The following SLC16A7 variants were observed in gnomAD, a reference collection of about 807,000 sequenced individuals.
SLC16A7 encodes the protein solute carrier family 16 member 7, also known as monocarboxylate transporter 2.
A neutral mutation model predicts 34.9 loss-of-function variants in SLC16A7; 33 were observed. That is an observed-to-expected ratio of 0.94 (90% CI 0.72 to 1.26). The LOEUF (loss-of-function observed/expected upper bound fraction) is 1.26. SLC16A7 is among the 50% of genes most tolerant of loss of function. The pLI is 0.00. For missense variants in SLC16A7, 573 were observed against 578.1 expected, an observed-to-expected ratio of 0.99 and a Z score of 0.09; for synonymous variants, 201 against 206.6, an observed-to-expected ratio of 0.97 and a Z score of 0.23.
At position 59,723,184 on chromosome 12, in the gene SLC16A7, T is replaced by C. The variant is rs377421071; in HGVS notation, c.217+18166T>C. On this transcript the variant is annotated intron_variant, in intron 3 of 5. Transcript: ENST00000547379. The stretch of plus-strand genomic sequence containing the variant: ...TTTGAAGGAATGAACAAACTGATCA[T>C]TATAAAAATTATTATAATAATGATC... 6.6e-5 allele frequency among the ~76,000 whole-genome samples: 10 copies of C among 152,024 alleles called. No homozygotes were observed. The East Asian group carries it at 1.2e-3, about 18-fold the overall frequency.
chr12:59,742,994 G>A (rs1044783615), intron 3 of SLC16A7, among the ~76,000 whole-genome samples: 1 of 152,170 alleles, frequency 6.6e-6, no homozygotes, highest in African/African-American at 2.4e-5. Context: ...AGATGACTCA[G>A]TGCACAGAAA....
chr12:59,732,008 G>A (rs963331738), intron 3 of SLC16A7, among the ~76,000 whole-genome samples: 5 of 152,028 alleles, frequency 3.3e-5, no homozygotes, highest in African/African-American at 1.2e-4. Flanking sequence ...GTGGTTGAAT[G>A]GGATAAACAA....
At chr12:59,675,006 C>T (rs1320118769) in intron 2 of SLC16A7, among the ~76,000 whole-genome samples, 1 of 152,138 alleles carries the variant, frequency 6.6e-6, no homozygotes, top group African/African-American at 2.4e-5. Flanking sequence ...GGTCATCTTA[C>T]CCATAACTAA....
intron 2 of SLC16A7, among the ~76,000 whole-genome samples, chr12:59,695,172 T>C (rs546253147): frequency 8.9e-4 from 136 of 152,156 alleles, no homozygotes; most frequent in African/African-American, 3.2e-3. Context: ...GACTGAAAGA[T>C]CAAAACCTAA....
intron 3 of SLC16A7, among the ~76,000 whole-genome samples, chr12:59,726,577 T>A (rs567170411): frequency 6.6e-6 from 1 of 152,156 alleles, no homozygotes; most frequent in South Asian, 2.1e-4. Flanking sequence ...TATTAACCAG[T>A]TTCTGATCCA....
intron 2 of SLC16A7, among the ~76,000 whole-genome samples, chr12:59,682,173 A>G (rs1054470849): frequency 1.3e-5 from 2 of 152,128 alleles, no homozygotes; most frequent in Non-Finnish European, 2.9e-5. Flanking sequence ...AAATCCATTG[A>G]GTAGATCTAA....
intron 3 of SLC16A7, among the ~76,000 whole-genome samples, chr12:59,720,898 C>A (rs1875501295): frequency 6.6e-6 from 1 of 152,020 alleles, no homozygotes; most frequent in African/African-American, 2.4e-5. Flanking sequence ...ACTTCAGATT[C>A]AATTAATTTA....
intron 1 of SLC16A7, among the ~76,000 whole-genome samples, chr12:59,631,556 A>C (rs1880184589): frequency 6.6e-6 from 1 of 151,992 alleles, no homozygotes; most frequent in Admixed American, 6.6e-5. Context: ...ATTTCATTTT[A>C]AGTTCCAGGG....
intron 3 of SLC16A7, among the ~76,000 whole-genome samples, chr12:59,716,014 A>G (rs982453540): frequency 6.6e-6 from 1 of 152,238 alleles, no homozygotes; most frequent in African/African-American, 2.4e-5. Flanking sequence ...TTAAGCTATA[A>G]AAGCAATAAT....
intron 2 of SLC16A7, among the ~76,000 whole-genome samples, chr12:59,677,959 G>A (rs868684556): frequency 3.9e-5 from 6 of 152,272 alleles, no homozygotes; most frequent in East Asian, 1.9e-4. Flanking sequence ...TGGTGGACTC[G>A]TTCCACCCGC....
At chr12:59,647,240 C>T (rs987389245) in intron 1 of SLC16A7, among the ~76,000 whole-genome samples, 1 of 152,014 alleles carries the variant, frequency 6.6e-6, no homozygotes, top group African/African-American at 2.4e-5. Context: ...ATTGTAGTTC[C>T]CATAATCCCC....
At position 59,703,834 on chromosome 12, in the gene SLC16A7, C is replaced by T. The variant is rs1274830414; in HGVS notation, c.-30-938C>T. Among the ~76,000 whole-genome samples, 3 of 151,918 alleles carry T rather than the reference C, an allele frequency of 2.0e-5. No individual in the cohort carries two copies. In the East Asian group the frequency reaches 5.8e-4, roughly 29 times the overall value. Reference sequence around the variant, plus strand: ...CAAGGGTTATGTTAATTAGGTTGACCGTAGTAATCATTTTGCTATGAATAT... The same window carrying T: ...CAAGGGTTATGTTAATTAGGTTGACTGTAGTAATCATTTTGCTATGAATAT... On this transcript the variant is annotated intron_variant, in intron 2 of 5. Transcript: ENST00000547379.
intron 3 of SLC16A7, among the ~76,000 whole-genome samples, chr12:59,721,406 A>G (rs1304097983): frequency 6.6e-6 from 1 of 151,740 alleles, no homozygotes; most frequent in African/African-American, 2.4e-5. Flanking sequence ...CACCCCCTCA[A>G]CTATTAATGG....
chr12:59,597,153 C>G (rs1397237879), intron 1 of SLC16A7: 4 of 151,748 alleles, frequency 2.6e-5, no homozygotes, highest in Non-Finnish European at 5.9e-5. Flanking sequence ...GCGGTCGTGC[C>G]CAGTGCCACT....
intron 1 of SLC16A7, among the ~76,000 whole-genome samples, chr12:59,597,518 C>G (rs1019173090): frequency 1.3e-5 from 2 of 152,164 alleles, no homozygotes; most frequent in Non-Finnish European, 2.9e-5. Flanking sequence ...GGGTTGCAAA[C>G]TTTCCACAGA....
rs191643281 is a variant in SLC16A7, at chr12:59,688,314, T to C, written c.-30-16458T>C. ...CAAGAGGGTGGAGAAGGAGTGGCAA[T>C]ATGACCACTTTAAGGAGTTCATGAA... is the stretch of plus-strand genomic sequence containing the variant. On this transcript the variant is annotated intron_variant, in intron 2 of 5. Coordinates refer to ENST00000547379, the MANE Select transcript of SLC16A7 (RefSeq NM_001270623.2). Among the ~76,000 whole-genome samples the C allele has an allele frequency of 6.7e-4, 102 of 152,144 alleles. No individual in the cohort carries two copies. In the Middle Eastern group the frequency reaches 0.014, roughly 20 times the overall value.
At chr12:59,693,956 T>C (rs1871971485) in intron 2 of SLC16A7, among the ~76,000 whole-genome samples, 1 of 151,938 alleles carries the variant, frequency 6.6e-6, no homozygotes, top group Admixed American at 6.6e-5. Flanking sequence ...TATGCCCTCA[T>C]CTATGAAACG....
chr12:59,775,239 A>T lies in SLC16A7; in HGVS notation c.944A>T (p.Tyr315Phe). Residue 315 changes from tyrosine (Y) to phenylalanine (F), a missense_variant, in exon 5 of 6, where the codon TAC becomes TTC. Physicochemically the swap from Tyr to Phe is conservative, Grantham distance 22. Transcript: ENST00000547379. ...AAATATATTCGACCTCGAATTCAGT[A>T]CTTCTTCAGTTTTGCAATCATGTTC... is the stretch of plus-strand genomic sequence containing the variant. ...NSKYIRPRIQ[Y>F]FFSFAIMFNG... 6.2e-7 allele frequency: 1 copy of T among 1,613,994 alleles called. No individual in the cohort carries two copies. Among genetic ancestry groups the T allele is most frequent in the Non-Finnish European group, 8.5e-7 (1 of 1,179,924 alleles).
At chr12:59,613,654 T>C (rs1829597255) in intron 1 of SLC16A7, among the ~76,000 whole-genome samples, 1 of 152,158 alleles carries the variant, frequency 6.6e-6, no homozygotes, top group African/African-American at 2.4e-5. Flanking sequence ...GACTATCAGG[T>C]AGAAGATACA....
Sources: allele counts gnomAD v4.1 joint callset (sites outside exome capture counted in the v4.1 genomes callset), GRCh38; gene constraint gnomAD v4.1.1; transcripts MANE v1.5; gene names NCBI Gene and HGNC (gene_info 2026-07-23, HGNC 2026-07-21).